Variants in MAPK10 observed in about 807,000 individuals in gnomAD.
MAPK10 encodes mitogen-activated protein kinase 10.
MAPK10 carries 25 observed loss-of-function variants against 59.3 expected under a neutral mutation model. The observed-to-expected ratio is 0.42, with a 90% confidence interval of 0.31 to 0.59. The LOEUF (loss-of-function observed/expected upper bound fraction) is 0.59, where lower values mean the gene tolerates loss of function less well. Among genes scored for constraint, MAPK10 ranks in the 20% least tolerant of loss-of-function variants. The pLI is 0.15. For synonymous variants in MAPK10, 190 were observed against 200.5 expected (o/e 0.95, Z 0.44); for missense variants, 351 against 568.9 (o/e 0.62, Z 3.90).
intron 1 of MAPK10, chr4:86,593,738 T>C (rs1314289078): frequency 1.3e-5 from 2 of 152,176 alleles, no homozygotes; most frequent in African/African-American, 4.8e-5. Context: ...CTCACCGGGC[T>C]TTTTTCGTTG....
chr4:86,247,078 G>A lies in MAPK10; in HGVS notation c.-6-52671C>T, dbSNP rs759747100. ...ATGTTAATTGCCAATTCTGCCAACC[G>A]TCAACCAACTGCCAACCATGAAGGA... On this transcript the variant is annotated intron_variant, in intron 2 of 13. Coordinates refer to ENST00000641462, the MANE Select transcript of MAPK10 (RefSeq NM_138982.4). Among the ~76,000 whole-genome samples, 50 of 152,124 alleles carry A rather than the reference G, an allele frequency of 3.3e-4. 1 individual carries two copies. Among genetic ancestry groups the A allele is most frequent in the Non-Finnish European group, 6.0e-4 (41 of 68,036 alleles).
chr4:86,159,058 T>G (rs2068711254), intron 4 of MAPK10: 1 of 337,784 alleles, frequency 3.0e-6, no homozygotes, highest in African/African-American at 2.1e-5. Context: ...TCTTGTGTAA[T>G]AACTTTTTTT....
chr4:86,265,660 G>A (rs1201994330), intron 2 of MAPK10, among the ~76,000 whole-genome samples: 1 of 126,804 alleles, frequency 7.9e-6, no homozygotes, highest in Non-Finnish European at 1.6e-5. Context: ...ATTTTGCTTT[G>A]TTTCGGGCAG....
intron 1 of MAPK10, among the ~76,000 whole-genome samples, chr4:86,531,407 G>T (rs569395820): frequency 3.9e-5 from 6 of 152,194 alleles, no homozygotes; most frequent in African/African-American, 1.4e-4. Flanking sequence ...AGGTGGTGGT[G>T]GTCATTGTTA....
At chr4:86,235,991 C>G (rs192605091) in intron 2 of MAPK10, among the ~76,000 whole-genome samples, 1 of 152,232 alleles carries the variant, frequency 6.6e-6, no homozygotes, top group East Asian at 1.9e-4. Context: ...CTTGGAAGCT[C>G]TAAGGGAGAA....
rs1579259900 is a variant in MAPK10, at chr4:86,448,443, G to T, written c.-122+4587C>A. Reference sequence around the variant, plus strand: ...AAATTTATGGATTAACTAGAGAAATGTCAGTTTTGTAATAGTAAGACTTCC... The same window carrying T: ...AAATTTATGGATTAACTAGAGAAATTTCAGTTTTGTAATAGTAAGACTTCC... On this transcript the variant is annotated intron_variant, in intron 1 of 13. Transcript: ENST00000361569. Among the ~76,000 whole-genome samples, 3 of 151,634 alleles carry T rather than the reference G, an allele frequency of 2.0e-5. No individual in the cohort carries two copies. In the Middle Eastern group the frequency reaches 0.01, roughly 523 times the overall value.
intron 1 of MAPK10, among the ~76,000 whole-genome samples, chr4:86,425,707 T>C (rs572351682): frequency 6.6e-6 from 1 of 152,336 alleles, no homozygotes; most frequent in East Asian, 1.9e-4. Flanking sequence ...GCGCAGTGAT[T>C]CACGCCTGTA....
At chr4:86,356,968 T>C (rs900956254) in intron 1 of MAPK10, 32 of 152,186 alleles carry the variant, frequency 2.1e-4, no homozygotes, top group African/African-American at 7.0e-4. Flanking sequence ...AATAGAGCAT[T>C]GTACTCCATT....
intron 1 of MAPK10, among the ~76,000 whole-genome samples, chr4:86,544,270 A>G (rs1758967503): frequency 6.6e-6 from 1 of 152,256 alleles, no homozygotes; most frequent in African/African-American, 2.4e-5. Flanking sequence ...GGGGAGCTGG[A>G]GATAACATAG....
intron 1 of MAPK10, among the ~76,000 whole-genome samples, chr4:86,505,288 C>G (rs1364648047): frequency 6.6e-6 from 1 of 152,022 alleles, no homozygotes; most frequent in Non-Finnish European, 1.5e-5. Context: ...CCATGTACCC[C>G]CTGAATCTAA....
At chr4:86,191,424 TGCTCCTGTA>T (rs1281200478) in intron 3 of MAPK10, among the ~76,000 whole-genome samples, 1 of 152,122 alleles carries the variant, frequency 6.6e-6, no homozygotes, top group Non-Finnish European at 1.5e-5. Flanking sequence ...TGAATCCAGG[TGCTCCTGTA>T]TTGGGTGCAT....
intron 1 of MAPK10, among the ~76,000 whole-genome samples, chr4:86,477,189 A>C (rs1233165367): frequency 1.3e-5 from 2 of 151,844 alleles, no homozygotes; most frequent in Admixed American, 1.3e-4. Flanking sequence ...ACATTACCTT[A>C]TTTTCAAGGG....
intron 1 of MAPK10, among the ~76,000 whole-genome samples, chr4:86,441,383 C>T (rs1236244018): frequency 2.0e-5 from 3 of 152,182 alleles, no homozygotes; most frequent in Non-Finnish European, 4.4e-5. Context: ...GAGTAACTCA[C>T]GCTTCAACAG....
At chr4:86,551,885 G>A (rs1043278751) in intron 1 of MAPK10, among the ~76,000 whole-genome samples, 2 of 152,036 alleles carry the variant, frequency 1.3e-5, no homozygotes, top group African/African-American at 4.8e-5. Context: ...GATTACAGGC[G>A]TAAGCCACTG....
chr4:86,044,864 G>C (rs2042218309), intron 11 of MAPK10: 1 of 396,218 alleles, frequency 2.5e-6, no homozygotes, highest in African/African-American at 2.1e-5. Flanking sequence ...TTCATCTACT[G>C]CTTTATTCAA....
intron 2 of MAPK10, among the ~76,000 whole-genome samples, chr4:86,206,964 A>T (rs1321941257): frequency 2.0e-5 from 3 of 152,084 alleles, no homozygotes; most frequent in African/African-American, 7.2e-5. Context: ...TCAGATGAGT[A>T]GGTTGCGAAA....
upstream of MAPK10, chr4:86,453,584 C>T (rs921743393): frequency 5.1e-5 from 7 of 136,102 alleles, no homozygotes; most frequent in Non-Finnish European, 1.1e-4. Flanking sequence ...CCCCACCCCA[C>T]CCCCACCACA....
intron 2 of MAPK10, among the ~76,000 whole-genome samples, chr4:86,213,333 G>T (rs1441255076): frequency 6.6e-6 from 1 of 151,844 alleles, no homozygotes; most frequent in Non-Finnish European, 1.5e-5. Flanking sequence ...CCTGACAGAT[G>T]GTAGAAAATA....
At chr4:86,553,894 T>G (rs1565034142) in intron 1 of MAPK10, among the ~76,000 whole-genome samples, 2 of 151,708 alleles carry the variant, frequency 1.3e-5, no homozygotes, top group African/African-American at 4.8e-5. Flanking sequence ...CTTCTTAATT[T>G]TTTTTTTTTT....
Sources: gnomAD v4.1 joint callset for allele counts (sites outside exome capture counted in the v4.1 genomes callset) on GRCh38, gnomAD v4.1.1 for gene constraint, MANE v1.5 for transcripts, NCBI Gene and HGNC (gene_info 2026-07-23, HGNC 2026-07-21) for gene names.